Variants in MACROD2 observed in about 807,000 individuals in gnomAD.
The protein encoded by MACROD2 is mono-ADP ribosylhydrolase 2.
In MACROD2, 36 loss-of-function variants were observed where a neutral mutation model predicts 70.4. The ratio of observed to expected loss-of-function variants is 0.51; its 90% CI spans 0.39 to 0.68. MACROD2 has a LOEUF of 0.68. MACROD2 is among the 30% of genes least tolerant of loss of function. The pLI, the probability that MACROD2 is intolerant of heterozygous loss-of-function variation, is 0.00. For missense variants in MACROD2, 496 were observed against 538.4 expected (o/e 0.92, Z 0.78); for synonymous variants, 172 against 178.8 (o/e 0.96, Z 0.30).
chr20:15,413,838 C>A (rs1213931886), intron 6 of MACROD2, among the ~76,000 whole-genome samples: 1 of 152,094 alleles, frequency 6.6e-6, no homozygotes, highest in East Asian at 1.9e-4. Context: ...TAAGAAGAGC[C>A]ATTTGCAATT....
intron 3 of MACROD2, among the ~76,000 whole-genome samples, chr20:14,488,558 C>A (rs566873097): frequency 6.6e-6 from 1 of 152,200 alleles, no homozygotes; most frequent in East Asian, 1.9e-4. Flanking sequence ...CTATAACCAC[C>A]TTTGGATGCA....
intron 4 of MACROD2, among the ~76,000 whole-genome samples, chr20:14,654,272 C>A (rs1398757889): frequency 4.0e-5 from 6 of 151,898 alleles, no homozygotes; most frequent in Non-Finnish European, 5.9e-5. Flanking sequence ...TTTGGCTAGT[C>A]TCGGTGGCTC....
At chr20:15,476,579 C>T (rs1470088094) in intron 7 of MACROD2, among the ~76,000 whole-genome samples, 4 of 147,100 alleles carry the variant, frequency 2.7e-5, no homozygotes, top group African/African-American at 5.0e-5. Flanking sequence ...TGCCCCCCCC[C>T]GGTAAGTCTG....
intron 4 of MACROD2, among the ~76,000 whole-genome samples, chr20:14,656,972 AC>A (rs1405161175): frequency 6.6e-6 from 1 of 152,154 alleles, no homozygotes; most frequent in Non-Finnish European, 1.5e-5. Flanking sequence ...TGCTGTACAT[AC>A]CTGTCATAAC....
At chr20:14,988,672 C>T (rs1424043436) in intron 5 of MACROD2, among the ~76,000 whole-genome samples, 2 of 152,174 alleles carry the variant, frequency 1.3e-5, no homozygotes, top group Non-Finnish European at 2.9e-5. Flanking sequence ...TCAGTACCCA[C>T]ATCTGGCATT....
chr20:14,858,948 T>A (rs572230477), intron 5 of MACROD2, among the ~76,000 whole-genome samples: 1 of 152,114 alleles, frequency 6.6e-6, no homozygotes, highest in Admixed American at 6.5e-5. Flanking sequence ...TAAAGAAATA[T>A]TCAGGTAAAG....
At chr20:15,318,046 CAG>C (rs1488232473) in intron 6 of MACROD2, among the ~76,000 whole-genome samples, 2 of 151,926 alleles carry the variant, frequency 1.3e-5, no homozygotes, top group East Asian at 1.9e-4. Flanking sequence ...AAGAAAAAAA[CAG>C]AAGTTGCACT....
intron 5 of MACROD2, among the ~76,000 whole-genome samples, chr20:14,752,970 G>A (rs754470052): frequency 1.3e-5 from 2 of 152,050 alleles, no homozygotes; most frequent in South Asian, 4.1e-4. Context: ...ATAATTATAT[G>A]CCTGAAGAAT....
intron 8 of MACROD2, among the ~76,000 whole-genome samples, chr20:15,721,829 T>A (rs2050791381): frequency 1.3e-5 from 2 of 152,144 alleles, no homozygotes; most frequent in Admixed American, 6.5e-5. Context: ...ATAACCATCA[T>A]CCTTGCCAAC....
chr20:14,089,807 T>A (rs1213813939), intron 3 of MACROD2, among the ~76,000 whole-genome samples: 1 of 152,108 alleles, frequency 6.6e-6, no homozygotes, highest in East Asian at 1.9e-4. Flanking sequence ...TAACACAGAG[T>A]CCTATGAACC....
chr20:15,624,338 G>A (rs1310375485), intron 8 of MACROD2, among the ~76,000 whole-genome samples: 1 of 152,168 alleles, frequency 6.6e-6, no homozygotes, highest in Non-Finnish European at 1.5e-5. Context: ...TGACTCAAAT[G>A]TTAAACTCCT....
chr20:15,866,001 C>G (rs2064487940), intron 9 of MACROD2, among the ~76,000 whole-genome samples: 1 of 152,116 alleles, frequency 6.6e-6, no homozygotes, highest in South Asian at 2.1e-4. Flanking sequence ...GGTTTGGGGT[C>G]AGCTGGATGA....
chr20:15,920,374 C>T (rs1334885354), intron 10 of MACROD2, among the ~76,000 whole-genome samples: 5 of 151,600 alleles, frequency 3.3e-5, no homozygotes, highest in Admixed American at 6.6e-5. Context: ...GACAAGATCA[C>T]GAAAGGAAAA....
chr20:14,698,925 T>C (rs1384505073), intron 5 of MACROD2, among the ~76,000 whole-genome samples: 1 of 151,990 alleles, frequency 6.6e-6, no homozygotes, highest in African/African-American at 2.4e-5. Context: ...GGCTAATAGA[T>C]ACAAATAAGC....
Position 14,031,982 on chromosome 20 carries a change from T to C in MACROD2, c.163+29578T>C, listed in dbSNP as rs142687629. On this transcript the variant is annotated intron_variant, in intron 2 of 17. Transcript: ENST00000684519. ...ATGGTTAACCTAGACAGTCTGGCAT[T>C]AAGATCTGTGCTCTTAGTCATGTTG... is the stretch of plus-strand genomic sequence containing the variant. 1.4e-3 allele frequency among the ~76,000 whole-genome samples: 208 copies of C among 152,260 alleles called. 4 individuals carry two copies. The highest frequency in any genetic ancestry group is 1.7e-3 in the Non-Finnish European group (114 of 67,968).
At chr20:14,006,617 C>T (rs536018277) in intron 2 of MACROD2, among the ~76,000 whole-genome samples, 14 of 152,096 alleles carry the variant, frequency 9.2e-5, no homozygotes, top group African/African-American at 3.1e-4. Context: ...TTTTCTTTTA[C>T]AATTGATTTG....
intron 15 of MACROD2, among the ~76,000 whole-genome samples, chr20:15,993,875 T>C (rs1415463369): frequency 5.3e-5 from 8 of 152,168 alleles, no homozygotes; most frequent in African/African-American, 1.9e-4. Context: ...CCTGTACAGA[T>C]GTGTAAAATA....
At chr20:15,751,951 T>C (rs2051278278) in intron 8 of MACROD2, among the ~76,000 whole-genome samples, 1 of 151,844 alleles carries the variant, frequency 6.6e-6, no homozygotes. Flanking sequence ...CCATTTCTAT[T>C]ACTCTCCACT....
intron 6 of MACROD2, among the ~76,000 whole-genome samples, chr20:15,344,477 A>C (rs1191013321): frequency 6.6e-6 from 1 of 152,202 alleles, no homozygotes; most frequent in Non-Finnish European, 1.5e-5. Flanking sequence ...TAAATAGAGC[A>C]ATCAGGGGTT....
Sources: gnomAD v4.1 joint callset for allele counts (sites outside exome capture counted in the v4.1 genomes callset) on GRCh38, gnomAD v4.1.1 for gene constraint, MANE v1.5 for transcripts, NCBI Gene and HGNC (gene_info 2026-07-23, HGNC 2026-07-21) for gene names.